CCDC197: variants seen among roughly 807,000 people sequenced by gnomAD.
CCDC197 encodes the protein coiled-coil domain containing 197.
In CCDC197, 24 loss-of-function variants were observed where a neutral mutation model predicts 13.4. The observed-to-expected ratio is 1.80, with a 90% CI of 1.30 to 2.53. The LOEUF (loss-of-function observed/expected upper bound fraction) is 2.53, where lower values mean the gene tolerates loss of function less well. Among genes scored for constraint, CCDC197 ranks in the 30% most tolerant of loss-of-function variants. The probability of loss-of-function intolerance (pLI) is 0.00; values close to 1 mark genes in which losing one functional copy is unlikely to be tolerated. For synonymous variants in CCDC197, 99 were observed against 55.5 expected, an observed-to-expected ratio of 1.78 and a Z score of -3.48; for missense variants, 255 against 148.8, an observed-to-expected ratio of 1.71 and a Z score of -3.71.
chr14:93,988,337 G>C (rs1175246864), intron 1 of CCDC197, among the ~76,000 whole-genome samples: 2 of 110,974 alleles, frequency 1.8e-5, no homozygotes, highest in Non-Finnish European at 3.8e-5. Context: ...GGGAAGGGAG[G>C]AGCAGATGGG....
upstream of CCDC197, chr14:93,997,092 C>T (rs1250073812): frequency 6.6e-6 from 1 of 152,346 alleles, no homozygotes; most frequent in African/African-American, 2.4e-5. Flanking sequence ...AAAAATAGCC[C>T]AAGTCTCACA....
chr14:94,007,943 C>T (rs1045974430), intron 6 of CCDC197, among the ~76,000 whole-genome samples: 1 of 152,196 alleles, frequency 6.6e-6, no homozygotes. Context: ...TGCTGCATGG[C>T]ACAACTCAGT....
chr14:94,004,661 A>C (rs1279857710), intron 5 of CCDC197, among the ~76,000 whole-genome samples, 194 bp from the exon 6 acceptor site: 1 of 152,148 alleles, frequency 6.6e-6, no homozygotes, highest in Non-Finnish European at 1.5e-5. Flanking sequence ...TTTGCAGAGG[A>C]GGCTGCTCAG....
chr14:94,001,946 A>C (rs1024943159), intron 4 of CCDC197, among the ~76,000 whole-genome samples: 1 of 152,180 alleles, frequency 6.6e-6, no homozygotes, highest in Non-Finnish European at 1.5e-5. Flanking sequence ...GTAGTTTTGG[A>C]GAGAGCATCT....
chr14:93,994,424 C>T (rs8004122), upstream of CCDC197, among the ~76,000 whole-genome samples: 24,825 of 152,068 alleles, frequency 0.16, 3,295 homozygotes, highest in East Asian at 0.6. Context: ...CCTAGAGGAC[C>T]GTTCTGAGAA....
intron 2 of CCDC197, among the ~76,000 whole-genome samples, chr14:93,999,185 G>A (rs530326389): frequency 6.6e-6 from 1 of 152,272 alleles, no homozygotes; most frequent in African/African-American, 2.4e-5. Context: ...GCTGTAGATG[G>A]GCAACCCGGG....
intron 2 of CCDC197, among the ~76,000 whole-genome samples, chr14:93,998,827 A>G (rs997736165): frequency 3.3e-5 from 5 of 152,062 alleles, no homozygotes; most frequent in African/African-American, 1.2e-4. Flanking sequence ...TCAGAATCAT[A>G]CGGATGAGAG....
At chr14:93,996,168 C>T (rs117955282), upstream of CCDC197, among the ~76,000 whole-genome samples, 4,060 of 152,240 alleles carry the variant, frequency 0.027, 72 homozygotes, top group Non-Finnish European at 0.041. Context: ...GAGCTCCTCT[C>T]CCTCTGCATC....
chr14:94,004,803 G>C lies in CCDC197; in HGVS notation c.499-52G>C, dbSNP rs1474123058. 71 of 693,424 alleles carry C rather than the reference G, an allele frequency of 1.0e-4. 1 individual carries two copies. The highest frequency in any genetic ancestry group is 4.7e-4 in the Middle Eastern group (2 of 4,222). The allele number at this position is 693,424 out of a possible 1,614,324, so 43.0% of individuals were successfully genotyped here. A position where few individuals can be genotyped will look rare whatever the true frequency, so the allele number is the denominator to read the frequency against. On this transcript the variant is annotated intron_variant, in intron 5 of 6. Coordinates refer to ENST00000636493, the MANE Select transcript of CCDC197 (RefSeq NM_001351596.2). Reference sequence around the variant, plus strand: ...CTGGAGTGAGCCAGGGCAGGGGCAGGGGATGCTGGGAGAGAGCCTGAGCCA... The same window carrying C: ...CTGGAGTGAGCCAGGGCAGGGGCAGCGGATGCTGGGAGAGAGCCTGAGCCA...
At chr14:93,990,424 T>TA (rs1339178209) in intron 1 of CCDC197, among the ~76,000 whole-genome samples, 2 of 152,108 alleles carry the variant, frequency 1.3e-5, no homozygotes, top group Non-Finnish European at 2.9e-5. Flanking sequence ...CAGGAATCCA[T>TA]AAAAAATGAT....
At chr14:93,990,567 C>T (rs568257595) in intron 1 of CCDC197, among the ~76,000 whole-genome samples, 29 of 152,308 alleles carry the variant, frequency 1.9e-4, no homozygotes, top group African/African-American at 7.0e-4. Context: ...CCTTCCAAGC[C>T]CAGTAGATGG....
intron 4 of CCDC197, among the ~76,000 whole-genome samples, chr14:94,002,038 T>C (rs944115444): frequency 1.3e-5 from 2 of 152,220 alleles, no homozygotes; most frequent in African/African-American, 4.8e-5. Flanking sequence ...GGCTGGGCAC[T>C]GCGTGAAGCA....
At chr14:93,995,709 C>T (rs1890277283), upstream of CCDC197, among the ~76,000 whole-genome samples, 1 of 152,176 alleles carries the variant, frequency 6.6e-6, no homozygotes, top group African/African-American at 2.4e-5. Flanking sequence ...AGGATTCATT[C>T]TGGGGGCGCC....
chr14:94,003,186 T>G lies in CCDC197; in HGVS notation c.367-37T>G, dbSNP rs764505182. On this transcript the variant is annotated intron_variant, in intron 4 of 6. Coordinates refer to ENST00000636493, the MANE Select transcript of CCDC197 (RefSeq NM_001351596.2). The surrounding 1 kb of genome is among the most constrained non-coding windows in gnomAD (Gnocchi z 5.0). ...AGACCAGGGCATATGCCCTGGAGGG[T>G]TTGTTGTACCAAGATGGCCCATTCC... is the stretch of plus-strand genomic sequence containing the variant. 1.3e-6 allele frequency: 1 copy of G among 771,948 alleles called. No homozygotes were observed. 47.8% of individuals were successfully genotyped at this position (771,948 alleles called of 1,614,324 possible). A position where few individuals can be genotyped will look rare whatever the true frequency, so the allele number is the denominator to read the frequency against.
Position 94,003,494 on chromosome 14 carries a change from C to T in CCDC197, c.498+140C>T. On this transcript the variant is annotated intron_variant, in intron 5 of 6. Transcript: ENST00000636493. The surrounding 1 kb of genome is among the most constrained non-coding windows in gnomAD (Gnocchi z 5.0). Reference sequence around the variant, plus strand: ...AGAGCCAGACACATAGACACACAGGCACACACACAGCCAGACACACACACC... The same window carrying T: ...AGAGCCAGACACATAGACACACAGGTACACACACAGCCAGACACACACACC... The T allele has an allele frequency of 1.6e-6, 1 of 620,348 alleles. No homozygotes were observed. Among genetic ancestry groups the T allele is most frequent in the South Asian group, 1.8e-5 (1 of 54,246 alleles). 38.4% of individuals were successfully genotyped at this position (620,348 alleles called of 1,614,324 possible). A position where few individuals can be genotyped will look rare whatever the true frequency, so the allele number is the denominator to read the frequency against.
downstream of CCDC197, among the ~76,000 whole-genome samples, chr14:94,009,851 TG>T (rs1191052551): frequency 6.6e-6 from 1 of 152,236 alleles, no homozygotes; most frequent in Non-Finnish European, 1.5e-5. Context: ...GTTGTGCCAC[TG>T]GGGTAAAATC....
At chr14:94,010,661 T>C (rs1443083853), downstream of CCDC197, among the ~76,000 whole-genome samples, 1 of 151,972 alleles carries the variant, frequency 6.6e-6, no homozygotes, top group Non-Finnish European at 1.5e-5. Flanking sequence ...AACGCCGGAG[T>C]AGGGACTTGC....
rs1218010373 is a variant in CCDC197, at chr14:94,001,297, G to C, written c.340G>C (p.Glu114Gln). The C allele has an allele frequency of 1.3e-6, 1 of 779,438 alleles. No homozygotes were observed. Among genetic ancestry groups the C allele is most frequent in the Non-Finnish European group, 2.4e-6 (1 of 417,308 alleles). 48.3% of individuals were successfully genotyped at this position (779,438 alleles called of 1,614,324 possible). Residue 114 changes from glutamate (E) to glutamine (Q), a missense_variant, in exon 4 of 7, where the codon GAG becomes CAG. Transcript: ENST00000636493. ...QAVHRSLESL[E>Q]EDHRALMLSL... The stretch of plus-strand genomic sequence containing the variant: ...TGTCCACCGGAGCCTGGAGTCTCTG[G>C]AGGAGGACCACAGGGCTCTCATGTT...
chr14:94,002,865 AAAC>A (rs1225342087), intron 4 of CCDC197, among the ~76,000 whole-genome samples: 1 of 150,714 alleles, frequency 6.6e-6, no homozygotes, highest in African/African-American at 2.5e-5. Context: ...AAAAAAAAAA[AAAC>A]AAAATTATAA....
Sources: gnomAD v4.1 joint callset for allele counts (sites outside exome capture counted in the v4.1 genomes callset) on GRCh38, gnomAD v4.1.1 for gene constraint, Gnocchi (gnomAD v3.1) non-coding constraint, MANE v1.5 for transcripts, NCBI Gene and HGNC (gene_info 2026-07-23, HGNC 2026-07-21) for gene names.